Variants in KALRN observed in about 807,000 individuals in gnomAD.
KALRN encodes the protein kalirin.
Under a neutral mutation model 353.7 loss-of-function variants are expected in KALRN, and 70 were observed. The observed-to-expected ratio is 0.20, with a 90% CI of 0.16 to 0.24. The LOEUF (loss-of-function observed/expected upper bound fraction) is 0.24, where lower values mean the gene tolerates loss of function less well. Among genes scored for constraint, KALRN ranks in the 10% least tolerant of loss-of-function variants. The pLI is 1.00. For synonymous variants in KALRN, 1,391 were observed against 1,434.8 expected (o/e 0.97, Z 0.69); for missense variants, 2,791 against 3,756.7 (o/e 0.74, Z 6.72).
chr3:124,574,000 G>A (rs2073833676), intron 34 of KALRN, among the ~76,000 whole-genome samples: 1 of 152,178 alleles, frequency 6.6e-6, no homozygotes, highest in Non-Finnish European at 1.5e-5. Flanking sequence ...GGGCTGACCT[G>A]TGTGATGGGG....
chr3:124,430,703 G>T lies in KALRN; in HGVS notation c.2757G>T (p.Leu919=). The change falls in exon 16 of 60, where the codon CTG becomes CTT. Residue 919 remains leucine (L), a synonymous_variant. Transcript: ENST00000682506. ...RNGESMLNAS[L]VNASSLSEAE... is the part of the protein sequence containing the mutation. Reference sequence around the variant, plus strand: ...GAGAGTCAATGCTCAACGCCAGCCTGGTCAATGCCAGCTCTTTGTCGGAAG... The same window carrying T: ...GAGAGTCAATGCTCAACGCCAGCCTTGTCAATGCCAGCTCTTTGTCGGAAG... The T allele has an allele frequency of 6.2e-7, 1 of 1,614,168 alleles. No homozygotes were observed. Among genetic ancestry groups the T allele is most frequent in the Non-Finnish European group, 8.5e-7 (1 of 1,180,006 alleles).
intron 13 of KALRN, among the ~76,000 whole-genome samples, chr3:124,400,019 C>A (rs1338408295): frequency 6.6e-6 from 1 of 152,138 alleles, no homozygotes; most frequent in African/African-American, 2.4e-5. Context: ...ACTTTCCACC[C>A]ACCATTTCTT....
intron 1 of KALRN, among the ~76,000 whole-genome samples, chr3:124,072,627 G>A (rs914617996): frequency 2.6e-5 from 4 of 152,164 alleles, no homozygotes; most frequent in Non-Finnish European, 4.4e-5. Flanking sequence ...GGGTCCATCC[G>A]TGTATCCCAC....
intron 9 of KALRN, among the ~76,000 whole-genome samples, chr3:124,339,781 A>T (rs1433576499): frequency 6.6e-6 from 1 of 152,260 alleles, no homozygotes. Flanking sequence ...GCTGAGAGGT[A>T]GGAATTAAGA....
chr3:124,455,066 G>A lies in KALRN; in HGVS notation c.3553-111G>A, dbSNP rs1039809640. The A allele has an allele frequency of 1.5e-5, 17 of 1,113,996 alleles. No individual in the cohort carries two copies. The East Asian group carries it at 2.6e-4, about 17-fold the overall frequency. 69.0% of individuals were successfully genotyped at this position (1,113,996 alleles called of 1,614,324 possible). A position where few individuals can be genotyped will look rare whatever the true frequency, so the allele number is the denominator to read the frequency against. ...TAACAAAGCTGGGATACATACCCAG[G>A]TAGTCAGCTATGAGGTATCTATGGC... On this transcript the variant is annotated intron_variant, in intron 21 of 59. Transcript: ENST00000682506.
chr3:124,441,711 A>G (rs2093670707), intron 18 of KALRN, among the ~76,000 whole-genome samples: 1 of 152,084 alleles, frequency 6.6e-6, no homozygotes, highest in African/African-American at 2.4e-5. Flanking sequence ...CTGTAGTCCC[A>G]GCTACTCAGG....
chr3:124,453,870 T>C (rs938506888), intron 21 of KALRN, among the ~76,000 whole-genome samples: 11 of 152,328 alleles, frequency 7.2e-5, no homozygotes, highest in African/African-American at 2.6e-4. Context: ...TTAAAATTCC[T>C]ATAGTGTTAA....
chr3:124,286,337 T>C (rs1354020320), intron 5 of KALRN, among the ~76,000 whole-genome samples: 1 of 151,286 alleles, frequency 6.6e-6, no homozygotes, highest in Non-Finnish European at 1.5e-5. Context: ...CTCCGCCTTC[T>C]GGTTTCAAGC....
intron 1 of KALRN, among the ~76,000 whole-genome samples, chr3:124,199,534 T>A (rs1282494236): frequency 7.1e-6 from 1 of 141,782 alleles, no homozygotes; most frequent in African/African-American, 2.6e-5. Flanking sequence ...TTTGCATTCA[T>A]TTATTCAAAT....
intron 1 of KALRN, among the ~76,000 whole-genome samples, chr3:124,227,582 G>GAC (rs904740812): frequency 8.8e-5 from 13 of 148,466 alleles, no homozygotes; most frequent in African/African-American, 3.2e-4. Flanking sequence ...GTATGTTCAA[G>GAC]ACACTGTGCT....
intron 1 of KALRN, among the ~76,000 whole-genome samples, chr3:124,119,875 T>C (rs2063802326): frequency 6.6e-6 from 1 of 152,138 alleles, no homozygotes; most frequent in South Asian, 2.1e-4. Context: ...GTTAATGCCT[T>C]TGGGGGTGAT....
At chr3:124,193,084 G>A (rs894119497) in intron 1 of KALRN, among the ~76,000 whole-genome samples, 1 of 152,124 alleles carries the variant, frequency 6.6e-6, no homozygotes, top group Non-Finnish European at 1.5e-5. Flanking sequence ...CTTGCTTCCT[G>A]TTGGTCCTGG....
intron 14 of KALRN, among the ~76,000 whole-genome samples, chr3:124,420,538 G>A (rs1426301774): frequency 2.6e-5 from 4 of 152,168 alleles, no homozygotes; most frequent in Non-Finnish European, 5.9e-5. Flanking sequence ...TTTCAGTCAA[G>A]GAGGTGCTCT....
chr3:124,050,831 TA>T (rs1051483326), intron 1 of KALRN, among the ~76,000 whole-genome samples: 26 of 152,280 alleles, frequency 1.7e-4, no homozygotes, highest in Middle Eastern at 3.4e-3. Flanking sequence ...AGCTGCATAC[TA>T]AAAAAATCCT....
chr3:124,398,863 A>G lies in KALRN; in HGVS notation c.2338A>G (p.Thr780Ala). The stretch of plus-strand genomic sequence containing the variant: ...GCAACTGCGCATCTTTGAGCAGTAC[A>G]CCATCGAGGTAGCAGGGGGCCAGGA... ...FLQLRIFEQY[T>A]IEVTAELDAW... Residue 780 changes from threonine to alanine, a missense_variant, in exon 13 of 60, where the codon ACC (threonine) becomes GCC (alanine). Around this residue, in one of 11 missense-constraint regions of KALRN, gnomAD observed 452 missense variants for 575.8 expected, o/e 0.78. Coordinates refer to ENST00000682506, the MANE Select transcript of KALRN (RefSeq NM_001388419.1). 1 of 1,606,912 alleles carries G rather than the reference A, an allele frequency of 6.2e-7. No individual in the cohort carries two copies. Among genetic ancestry groups the G allele is most frequent in the Non-Finnish European group, 8.5e-7 (1 of 1,175,808 alleles).
chr3:124,435,750 A>G lies in KALRN; in HGVS notation c.3048+1225A>G, dbSNP rs569421125. On this transcript the variant is annotated intron_variant, in intron 17 of 59. Transcript: ENST00000682506. ...CAGAAGTGAGGAGCTGCAGACTAAG[A>G]TGATAGAGAGCTTCCCCAGTTGATC... Among the ~76,000 whole-genome samples the G allele has an allele frequency of 3.3e-5, 5 of 152,310 alleles. No individual in the cohort carries two copies. The East Asian group carries it at 9.6e-4, about 29-fold the overall frequency.
intron 14 of KALRN, among the ~76,000 whole-genome samples, chr3:124,416,493 G>C (rs1380510838): frequency 6.6e-6 from 1 of 152,264 alleles, no homozygotes; most frequent in Non-Finnish European, 1.5e-5. Flanking sequence ...GAGGCTGGCT[G>C]TTCTCCTGCT....
chr3:124,684,854 G>T (rs1183668736), intron 51 of KALRN, among the ~76,000 whole-genome samples: 1 of 152,062 alleles, frequency 6.6e-6, no homozygotes, highest in Non-Finnish European at 1.5e-5. Flanking sequence ...GGCCAGAGCT[G>T]GTACTTTTTT....
At chr3:124,363,293 G>A (rs181337310) in intron 10 of KALRN, among the ~76,000 whole-genome samples, 109 of 152,218 alleles carry the variant, frequency 7.2e-4, no homozygotes, top group African/African-American at 2.5e-3. Context: ...AACAAAATGG[G>A]AGTTGCAGAT....
Sources: gnomAD v4.1 joint callset for allele counts (sites outside exome capture counted in the v4.1 genomes callset) on GRCh38, gnomAD v4.1.1 for gene constraint, gnomAD v4.1.1 regional missense constraint, MANE v1.5 for transcripts, NCBI Gene and HGNC (gene_info 2026-07-23, HGNC 2026-07-21) for gene names.